The following NALF1 variants were observed in gnomAD, a reference collection of about 807,000 sequenced individuals.
The protein encoded by NALF1 is NALCN channel auxiliary factor 1.
Under a neutral mutation model 48.4 loss-of-function variants are expected in NALF1, and 3 were observed. The ratio of observed to expected loss-of-function variants is 0.06; its 90% CI spans 0.03 to 0.16. The LOEUF is 0.16. Ranked by LOEUF, NALF1 falls within the 10% of genes least tolerant of loss-of-function variation. NALF1 has a pLI of 1.00. For missense variants in NALF1, 526 were observed against 571.5 expected, an observed-to-expected ratio of 0.92 and a Z score of 0.81; for synonymous variants, 262 against 245.7, an observed-to-expected ratio of 1.07 and a Z score of -0.62.
chr13:107,533,852 T>C (rs1876718995), intron 1 of NALF1, among the ~76,000 whole-genome samples: 1 of 152,134 alleles, frequency 6.6e-6, no homozygotes, highest in Non-Finnish European at 1.5e-5. Flanking sequence ...GGGAGTGTCT[T>C]TGTCATTGAA....
intron 1 of NALF1, among the ~76,000 whole-genome samples, chr13:107,583,116 T>C (rs1319385328): frequency 2.0e-5 from 3 of 152,144 alleles, no homozygotes; most frequent in African/African-American, 7.2e-5. Flanking sequence ...CTCCCTCTTT[T>C]CTCTGTCTCT....
intron 1 of NALF1, among the ~76,000 whole-genome samples, chr13:107,251,666 G>A (rs1022749132): frequency 1.3e-5 from 2 of 152,158 alleles, no homozygotes; most frequent in Non-Finnish European, 2.9e-5. Context: ...AAAGAAGATG[G>A]AGTAATGGAC....
At chr13:107,663,864 C>G (rs1015705014) in intron 1 of NALF1, among the ~76,000 whole-genome samples, 1 of 152,134 alleles carries the variant, frequency 6.6e-6, no homozygotes, top group African/African-American at 2.4e-5. Flanking sequence ...ACTTCAGGTA[C>G]TTTTGCTCAT....
chr13:107,686,781 TA>T (rs1222566718), intron 1 of NALF1, among the ~76,000 whole-genome samples: 2 of 152,048 alleles, frequency 1.3e-5, no homozygotes, highest in African/African-American at 4.8e-5. Context: ...TGGCTATTAA[TA>T]AAAAGTCAAA....
intron 1 of NALF1, among the ~76,000 whole-genome samples, chr13:107,581,813 A>G (rs949840757): frequency 1.3e-5 from 2 of 152,168 alleles, no homozygotes; most frequent in African/African-American, 4.8e-5. Flanking sequence ...TCAGACCCTC[A>G]TCAATTCACA....
chr13:107,452,185 C>T (rs1884752482), intron 1 of NALF1, among the ~76,000 whole-genome samples: 2 of 152,166 alleles, frequency 1.3e-5, no homozygotes, highest in Non-Finnish European at 1.5e-5. Context: ...ACAATCTCTT[C>T]CTCCTGCCCA....
chr13:107,210,702 G>T lies in NALF1; in HGVS notation c.969C>A (p.Asn323Lys). Residue 323 changes from asparagine (N) to lysine (K), a missense_variant, in exon 2 of 3, where the codon AAC becomes AAA. Asn to Lys is a moderately conservative substitution (Grantham distance 94). Coordinates refer to ENST00000375915, the MANE Select transcript of NALF1 (RefSeq NM_001080396.3). ...GCTTGCAAGGAATTGTCTTTCTGCA[G>T]TTAAACTGTGTGACTTCAAAATACT... ...CSQYFEVTQFNCRKTIPCKQY... is the reference protein window; with the variant it reads ...CSQYFEVTQFKCRKTIPCKQY... 1.2e-6 allele frequency: 2 copies of T among 1,612,144 alleles called. No homozygotes were observed. The highest frequency in any genetic ancestry group is 1.7e-6 in the Non-Finnish European group (2 of 1,178,154).
chr13:107,351,035 A>G (rs1882863247), intron 1 of NALF1, among the ~76,000 whole-genome samples: 1 of 152,254 alleles, frequency 6.6e-6, no homozygotes, highest in Non-Finnish European at 1.5e-5. Flanking sequence ...ACTCTAAAAT[A>G]TCAGTAACTA....
chr13:107,319,022 G>T (rs150810577), intron 1 of NALF1, among the ~76,000 whole-genome samples: 104 of 152,044 alleles, frequency 6.8e-4, no homozygotes, highest in African/African-American at 2.3e-3. Context: ...TGGTTAAGCA[G>T]CAGAGTTCAA....
chr13:107,645,871 G>A (rs555403320), intron 1 of NALF1, among the ~76,000 whole-genome samples: 1 of 152,148 alleles, frequency 6.6e-6, no homozygotes, highest in South Asian at 2.1e-4. Context: ...GAGTATCATA[G>A]CAAAATTCAA....
At chr13:107,435,242 G>A (rs981555843) in intron 1 of NALF1, among the ~76,000 whole-genome samples, 4 of 151,902 alleles carry the variant, frequency 2.6e-5, no homozygotes, top group East Asian at 1.9e-4. Context: ...AAAACAAATC[G>A]TTGAGATGTT....
intron 1 of NALF1, among the ~76,000 whole-genome samples, chr13:107,710,921 A>G (rs1214133169): frequency 6.6e-6 from 1 of 151,810 alleles, no homozygotes; most frequent in African/African-American, 2.4e-5. Context: ...ATATACACAC[A>G]CACAAACATA....
Position 107,476,946 on chromosome 13 carries a change from A to G in NALF1, c.916-266191T>C, listed in dbSNP as rs576863813. ...TTAAAATGGACAATATTTTTTTAGA[A>G]TACTAGTCATATTAATATGACCTTA... is the stretch of plus-strand genomic sequence containing the variant. On this transcript the variant is annotated intron_variant, in intron 1 of 2. Transcript: ENST00000375915. Among the ~76,000 whole-genome samples, 11 of 152,248 alleles carry G rather than the reference A, an allele frequency of 7.2e-5. No homozygotes were observed. In the East Asian group the frequency reaches 2.1e-3, roughly 29 times the overall value.
intron 1 of NALF1, among the ~76,000 whole-genome samples, chr13:107,731,908 T>C (rs968965796): frequency 6.6e-6 from 1 of 152,294 alleles, no homozygotes; most frequent in East Asian, 1.9e-4. Context: ...TCTCTGCTGC[T>C]TCCTTTGTCC....
chr13:107,312,711 C>T lies in NALF1; in HGVS notation c.916-101956G>A, dbSNP rs115036455. On this transcript the variant is annotated intron_variant, in intron 1 of 2. Coordinates refer to ENST00000375915, the MANE Select transcript of NALF1 (RefSeq NM_001080396.3). Reference sequence around the variant, plus strand: ...AAGAGATATCTAAAACCTGTAATCACAACACATGAAGAAATAAAAGAAAAT... The same window carrying T: ...AAGAGATATCTAAAACCTGTAATCATAACACATGAAGAAATAAAAGAAAAT... Among the ~76,000 whole-genome samples, 900 of 152,182 alleles carry T rather than the reference C, an allele frequency of 5.9e-3. 9 individuals are homozygous for T. The highest frequency in any genetic ancestry group is 0.02 in the African/African-American group (847 of 41,532).
chr13:107,355,067 C>G (rs1882939202), intron 1 of NALF1, among the ~76,000 whole-genome samples: 1 of 152,178 alleles, frequency 6.6e-6, no homozygotes, highest in Non-Finnish European at 1.5e-5. Context: ...CATCTGGGCA[C>G]TGCCTATCTT....
intron 1 of NALF1, among the ~76,000 whole-genome samples, chr13:107,316,785 T>TTAAGA (rs147786628): frequency 0.045 from 6,912 of 152,244 alleles, 227 homozygotes; most frequent in East Asian, 0.19. Flanking sequence ...TTGTAGATTC[T>TTAAGA]TAAGTCTTAG....
At chr13:107,543,574 C>A (rs185765622) in intron 1 of NALF1, among the ~76,000 whole-genome samples, 18 of 152,038 alleles carry the variant, frequency 1.2e-4, no homozygotes, top group Non-Finnish European at 2.4e-4. Flanking sequence ...AAGAAGTATT[C>A]TGTCAATAAA....
chr13:107,281,930 T>C (rs1881395704), intron 1 of NALF1, among the ~76,000 whole-genome samples: 1 of 152,160 alleles, frequency 6.6e-6, no homozygotes. Flanking sequence ...CATGATTCAA[T>C]TACATCCACC....
Sources: gnomAD v4.1 joint callset for allele counts (sites outside exome capture counted in the v4.1 genomes callset) on GRCh38, gnomAD v4.1.1 for gene constraint, MANE v1.5 for transcripts, NCBI Gene and HGNC (gene_info 2026-07-23, HGNC 2026-07-21) for gene names.